The following TMEM132D variants were observed in gnomAD, a reference collection of about 807,000 sequenced individuals.
TMEM132D encodes mature OL transmembrane protein.
In TMEM132D, 21 loss-of-function variants were observed where a neutral mutation model predicts 62.3. The observed-to-expected ratio is 0.34, with a 90% CI of 0.24 to 0.49. The LOEUF is 0.49. TMEM132D is among the 20% of genes least tolerant of loss of function. TMEM132D has a pLI of 0.99. For missense variants in TMEM132D, 1,346 were observed against 1,402.8 expected (o/e 0.96, Z 0.65); for synonymous variants, 621 against 575.6 (o/e 1.08, Z -1.13).
intron 5 of TMEM132D, among the ~76,000 whole-genome samples, chr12:129,168,776 C>T (rs1202251657): frequency 6.6e-6 from 1 of 152,110 alleles, no homozygotes; most frequent in Non-Finnish European, 1.5e-5. Flanking sequence ...TTGATGGGAA[C>T]CCAAAAGGTA....
At chr12:129,227,326 T>TATATATATATATATATATATATATA (rs57139130) in intron 4 of TMEM132D, among the ~76,000 whole-genome samples, 2 of 143,976 alleles carry the variant, frequency 1.4e-5, no homozygotes, top group Non-Finnish European at 1.5e-5. Flanking sequence ...TATATATATA[T>TATATATATATATATATATATATATA]GGCGCAAGTC....
At chr12:129,201,928 C>T (rs1339546475) in intron 5 of TMEM132D, among the ~76,000 whole-genome samples, 1 of 151,946 alleles carries the variant, frequency 6.6e-6, no homozygotes, top group African/African-American at 2.4e-5. Flanking sequence ...GGTGGCATTT[C>T]CCATTATTTC....
At chr12:129,106,901 G>C (rs2135641006) in intron 5 of TMEM132D, among the ~76,000 whole-genome samples, 1 of 152,280 alleles carries the variant, frequency 6.6e-6, no homozygotes, top group South Asian at 2.1e-4. Context: ...TGCCTGCCTT[G>C]GACAGTCACC....
chr12:129,836,719 C>T (rs1321776522), intron 1 of TMEM132D, among the ~76,000 whole-genome samples: 1 of 151,816 alleles, frequency 6.6e-6, no homozygotes, highest in East Asian at 1.9e-4. Flanking sequence ...AAAAGGGCCC[C>T]CAAAACCATA....
In TMEM132D at chr12:129,191,333, A is replaced by T. The variant is rs1416905718; in HGVS notation, c.1443+18187T>A. 5.5e-5 allele frequency among the ~76,000 whole-genome samples: 8 copies of T among 145,606 alleles called. No homozygotes were observed. The East Asian group carries it at 1.4e-3, about 26-fold the overall frequency. ...CACACACACACACACACACTTCTAC[A>T]TAGGATATGGGATGTATACATGTAT... is the stretch of plus-strand genomic sequence containing the variant. On this transcript the variant is annotated intron_variant, in intron 5 of 8. Coordinates refer to ENST00000422113, the MANE Select transcript of TMEM132D (RefSeq NM_133448.3).
chr12:129,516,621 T>C (rs1341787863), intron 3 of TMEM132D, among the ~76,000 whole-genome samples: 1 of 152,174 alleles, frequency 6.6e-6, no homozygotes, highest in Non-Finnish European at 1.5e-5. Context: ...TCCCACTGGG[T>C]CCTTCCCACA....
At chr12:129,706,206 T>A (rs901881828) in intron 1 of TMEM132D, among the ~76,000 whole-genome samples, 1 of 151,818 alleles carries the variant, frequency 6.6e-6, no homozygotes, top group Non-Finnish European at 1.5e-5. Context: ...GGCTCAAAAG[T>A]TAAAAGAAAA....
chr12:129,473,322 T>TTA (rs1874151898), intron 3 of TMEM132D, among the ~76,000 whole-genome samples: 1 of 104,600 alleles, frequency 9.6e-6, no homozygotes, highest in African/African-American at 3.7e-5. Flanking sequence ...ATTTTAGTTT[T>TTA]TGTTTTTTTT....
intron 3 of TMEM132D, among the ~76,000 whole-genome samples, chr12:129,513,796 A>G (rs1875571234): frequency 7.0e-6 from 1 of 142,824 alleles, no homozygotes; most frequent in East Asian, 2.1e-4. Flanking sequence ...ATGGGGACCA[A>G]TTTTTATTTT....
chr12:129,774,908 C>G (rs1317842360), intron 1 of TMEM132D, among the ~76,000 whole-genome samples: 1 of 152,130 alleles, frequency 6.6e-6, no homozygotes, highest in Non-Finnish European at 1.5e-5. Context: ...TCCCCAGCTG[C>G]AAAATGGAGA....
chr12:129,542,937 C>A (rs1419568473), intron 2 of TMEM132D, among the ~76,000 whole-genome samples: 3 of 151,802 alleles, frequency 2.0e-5, no homozygotes, highest in Non-Finnish European at 4.4e-5. Context: ...CAGCCTAGAG[C>A]AATAGGCTAT....
chr12:129,317,182 T>C (rs1350002747), intron 4 of TMEM132D, among the ~76,000 whole-genome samples: 1 of 152,194 alleles, frequency 6.6e-6, no homozygotes, highest in Non-Finnish European at 1.5e-5. Flanking sequence ...GTTGCCTGTG[T>C]ACTTTGGTTT....
At chr12:129,683,576 T>C (rs1880837449) in intron 2 of TMEM132D, among the ~76,000 whole-genome samples, 1 of 152,162 alleles carries the variant, frequency 6.6e-6, no homozygotes, top group Non-Finnish European at 1.5e-5. Context: ...GATGAGGGGA[T>C]ATGAAGACAT....
intron 5 of TMEM132D, among the ~76,000 whole-genome samples, chr12:129,148,582 G>C (rs532421296): frequency 6.6e-6 from 1 of 152,214 alleles, no homozygotes; most frequent in Non-Finnish European, 1.5e-5. Context: ...AGCCCTGCCA[G>C]TGCCTTGATT....
At chr12:129,468,710 T>C (rs1873999791) in intron 3 of TMEM132D, among the ~76,000 whole-genome samples, 1 of 152,218 alleles carries the variant, frequency 6.6e-6, no homozygotes, top group African/African-American at 2.4e-5. Context: ...GGCCTCCTCT[T>C]TCTGTCTCTC....
At chr12:129,795,057 AT>A (rs1168755486) in intron 1 of TMEM132D, among the ~76,000 whole-genome samples, 1 of 152,014 alleles carries the variant, frequency 6.6e-6, no homozygotes. Context: ...ACTTTTTAAT[AT>A]TGAGGAGGTT....
chr12:129,903,862 C>A lies in TMEM132D; in HGVS notation c.-523G>T, dbSNP rs946034351. Among the ~76,000 whole-genome samples, 22 of 146,754 alleles carry A rather than the reference C, an allele frequency of 1.5e-4. No individual in the cohort carries two copies. Among genetic ancestry groups the A allele is most frequent in the Admixed American group, 1.3e-3 (19 of 14,790 alleles). On this transcript the variant is annotated 5_prime_UTR_variant, in exon 1 of 9. Coordinates refer to ENST00000422113, the MANE Select transcript of TMEM132D (RefSeq NM_133448.3). The surrounding 1 kb of genome is among the most constrained non-coding windows in gnomAD (Gnocchi z 6.2). ...CTGGGCGGCCCGGGGCTCCCTGGCC[C>A]GCAGCCCCCATCCCAGGCCGGCCGC...
intron 1 of TMEM132D, among the ~76,000 whole-genome samples, chr12:129,841,655 G>T (rs1484170126): frequency 6.6e-6 from 1 of 152,084 alleles, no homozygotes; most frequent in Non-Finnish European, 1.5e-5. Context: ...GTGATGTTTT[G>T]CCAAGCGAGA....
At chr12:129,585,894 G>A (rs1481549586) in intron 2 of TMEM132D, among the ~76,000 whole-genome samples, 1 of 151,810 alleles carries the variant, frequency 6.6e-6, no homozygotes, top group African/African-American at 2.4e-5. Flanking sequence ...AATTTTGCAA[G>A]AGGAAAGCGA....
Sources: gnomAD v4.1 joint callset for allele counts (sites outside exome capture counted in the v4.1 genomes callset) on GRCh38, gnomAD v4.1.1 for gene constraint, Gnocchi (gnomAD v3.1) non-coding constraint, MANE v1.5 for transcripts, NCBI Gene and HGNC (gene_info 2026-07-23, HGNC 2026-07-21) for gene names.